Variants in GALNT17 observed in about 807,000 individuals in gnomAD.
The protein encoded by GALNT17 is UDP-GalNAc:polypeptide N-acetylgalactosaminyltransferase-like 3.
In GALNT17, 29 loss-of-function variants were observed where a neutral mutation model predicts 63.7. The ratio of observed to expected loss-of-function variants is 0.46; its 90% CI spans 0.34 to 0.62. The LOEUF (loss-of-function observed/expected upper bound fraction) is 0.62. Among genes scored for constraint, GALNT17 ranks in the 20% least tolerant of loss-of-function variants. The probability of loss-of-function intolerance (pLI) is 0.01; values close to 1 mark genes in which losing one functional copy is unlikely to be tolerated. For missense variants in GALNT17, 603 were observed against 799.6 expected, an observed-to-expected ratio of 0.75 and a Z score of 2.97; for synonymous variants, 305 against 318.3, an observed-to-expected ratio of 0.96 and a Z score of 0.45.
At chr7:71,143,454 G>C (rs1433022999) in intron 1 of GALNT17, among the ~76,000 whole-genome samples, 2 of 151,788 alleles carry the variant, frequency 1.3e-5, no homozygotes, top group Admixed American at 1.3e-4. Flanking sequence ...GCCCTTGAGA[G>C]GTGGTCAGAG....
intron 1 of GALNT17, among the ~76,000 whole-genome samples, chr7:71,277,679 A>C (rs1447651205): frequency 1.3e-5 from 2 of 152,178 alleles, no homozygotes; most frequent in East Asian, 3.8e-4. Flanking sequence ...GGTTTGCATC[A>C]CAGCCTGCCT....
chr7:71,553,223 G>T (rs868167866), intron 5 of GALNT17, among the ~76,000 whole-genome samples: 11 of 151,980 alleles, frequency 7.2e-5, no homozygotes, highest in Non-Finnish European at 1.5e-5. Flanking sequence ...GCTACTTTGG[G>T]GGCTGAGGTG....
At chr7:71,678,314 C>T (rs963077016) in intron 9 of GALNT17, among the ~76,000 whole-genome samples, 8 of 151,642 alleles carry the variant, frequency 5.3e-5, no homozygotes, top group Admixed American at 1.3e-4. Flanking sequence ...TCAGTAGAGA[C>T]GGGGTTTCAC....
At chr7:71,271,601 T>C (rs998854775) in intron 1 of GALNT17, among the ~76,000 whole-genome samples, 1 of 152,264 alleles carries the variant, frequency 6.6e-6, no homozygotes, top group African/African-American at 2.4e-5. Context: ...TTACAGGCGA[T>C]AACATTCACC....
At chr7:71,258,457 A>G (rs1790326249) in intron 1 of GALNT17, among the ~76,000 whole-genome samples, 1 of 152,218 alleles carries the variant, frequency 6.6e-6, no homozygotes, top group African/African-American at 2.4e-5. Context: ...TATGCAACAA[A>G]TATGGCACCT....
intron 3 of GALNT17, among the ~76,000 whole-genome samples, chr7:71,400,663 G>A (rs1327278168): frequency 1.3e-5 from 2 of 152,200 alleles, no homozygotes; most frequent in Non-Finnish European, 2.9e-5. Flanking sequence ...TTTTAACACA[G>A]AGACTCTGTC....
chr7:71,508,079 T>C (rs1788296052), intron 5 of GALNT17, among the ~76,000 whole-genome samples: 1 of 152,168 alleles, frequency 6.6e-6, no homozygotes, highest in African/African-American at 2.4e-5. Flanking sequence ...CGTAATGAGA[T>C]GGAGGCTGAG....
chr7:71,308,623 G>A lies in GALNT17; in HGVS notation c.239-26927G>A, dbSNP rs190751014. 1.8e-3 allele frequency among the ~76,000 whole-genome samples: 275 copies of A among 152,112 alleles called. 2 individuals carry two copies. Among genetic ancestry groups the A allele is most frequent in the African/African-American group, 6.3e-3 (263 of 41,506 alleles). On this transcript the variant is annotated intron_variant, in intron 1 of 10. Coordinates refer to ENST00000333538, the MANE Select transcript of GALNT17 (RefSeq NM_022479.3). ...TATCCCCAGAACCTTGCAGCTTCAG[G>A]CACTTTGCACGAGATAAATAAACAT...
At chr7:71,496,543 C>T (rs770653912) in intron 5 of GALNT17, among the ~76,000 whole-genome samples, 44 of 152,276 alleles carry the variant, frequency 2.9e-4, no homozygotes, top group Admixed American at 4.6e-4. Context: ...AAATGATCTC[C>T]GCCTTCCTTT....
At chr7:71,293,164 C>T (rs74516326) in intron 1 of GALNT17, among the ~76,000 whole-genome samples, 17,467 of 152,132 alleles carry the variant, frequency 0.11, 1,400 homozygotes, top group Admixed American at 0.19. Flanking sequence ...ATACTGCAGC[C>T]GCTCAGTGTA....
intron 1 of GALNT17, among the ~76,000 whole-genome samples, chr7:71,253,113 G>A (rs192861999): frequency 6.6e-6 from 1 of 152,310 alleles, no homozygotes; most frequent in African/African-American, 2.4e-5. Flanking sequence ...ACTGATCAAA[G>A]CCTCAAATGA....
chr7:71,326,143 A>G (rs11971278), intron 1 of GALNT17, among the ~76,000 whole-genome samples: 3,023 of 152,242 alleles, frequency 0.02, 87 homozygotes, highest in African/African-American at 0.069. Flanking sequence ...TCCCCTTTGA[A>G]ATTATGTGAA....
At chr7:71,308,178 A>G (rs769808651) in intron 1 of GALNT17, among the ~76,000 whole-genome samples, 11 of 152,262 alleles carry the variant, frequency 7.2e-5, no homozygotes, top group Non-Finnish European at 1.5e-4. Context: ...GAATGGCACT[A>G]TTCTTGTCGT....
At chr7:71,445,082 A>C (rs1216736958) in intron 5 of GALNT17, among the ~76,000 whole-genome samples, 1 of 151,986 alleles carries the variant, frequency 6.6e-6, no homozygotes, top group Non-Finnish European at 1.5e-5. Flanking sequence ...TCAGTGGTGC[A>C]GATGCGGAGA....
At chr7:71,142,864 T>A (rs2116175325) in intron 1 of GALNT17, among the ~76,000 whole-genome samples, 1 of 151,506 alleles carries the variant, frequency 6.6e-6, no homozygotes, top group Middle Eastern at 3.4e-3. Context: ...TCACTTGAAC[T>A]TGGGAGACGG....
chr7:71,344,880 G>T (rs1184179452), intron 2 of GALNT17, among the ~76,000 whole-genome samples: 3 of 152,158 alleles, frequency 2.0e-5, no homozygotes, highest in Admixed American at 2.0e-4. Context: ...GATGAAGTGG[G>T]TGCACTAGCT....
chr7:71,306,108 T>C (rs751994001), intron 1 of GALNT17, among the ~76,000 whole-genome samples: 3 of 151,892 alleles, frequency 2.0e-5, no homozygotes, highest in Non-Finnish European at 4.4e-5. Context: ...TAATCCCAGC[T>C]ACTTGGGAGG....
intron 1 of GALNT17, among the ~76,000 whole-genome samples, chr7:71,199,402 C>T (rs1410139907): frequency 2.0e-5 from 3 of 152,098 alleles, no homozygotes. Context: ...TTCTAACCGT[C>T]CATCATCTGT....
At chr7:71,367,391 G>A (rs532542935) in intron 2 of GALNT17, among the ~76,000 whole-genome samples, 6 of 152,310 alleles carry the variant, frequency 3.9e-5, no homozygotes, top group African/African-American at 1.4e-4. Flanking sequence ...TGCAGGGGAG[G>A]TGGGAAGGGG....
Sources: allele counts gnomAD v4.1 joint callset (sites outside exome capture counted in the v4.1 genomes callset), GRCh38; gene constraint gnomAD v4.1.1; transcripts MANE v1.5; gene names NCBI Gene and HGNC (gene_info 2026-07-23, HGNC 2026-07-21).